STYK1: variants seen among roughly 807,000 people sequenced by gnomAD.
STYK1 encodes the protein tyrosine-protein kinase STYK1.
In STYK1, 46 loss-of-function variants were observed where a neutral mutation model predicts 48.1. That is an observed-to-expected ratio of 0.96 (90% CI 0.75 to 1.22). The LOEUF is 1.22. STYK1 is among the 50% of genes most tolerant of loss of function. The pLI is 0.00. For missense variants in STYK1, 527 were observed against 521.1 expected, an observed-to-expected ratio of 1.01 and a Z score of -0.11; for synonymous variants, 188 against 189.0, an observed-to-expected ratio of 0.99 and a Z score of 0.04.
chr12:10,635,171 C>T (rs139910955), intron 2 of STYK1, among the ~76,000 whole-genome samples: 1 of 152,256 alleles, frequency 6.6e-6, no homozygotes, highest in East Asian at 1.9e-4. Flanking sequence ...GGCTTGAGTG[C>T]AGTGGTGTGA....
intron 1 of STYK1, among the ~76,000 whole-genome samples, chr12:10,670,940 T>C (rs1004823933): frequency 1.3e-4 from 19 of 149,826 alleles, no homozygotes; most frequent in Admixed American, 4.7e-4. Context: ...GTAGGCAGAA[T>C]AATGGCTTCC....
chr12:10,656,996 A>G (rs1591699723), intron 1 of STYK1, among the ~76,000 whole-genome samples: 1 of 152,180 alleles, frequency 6.6e-6, no homozygotes, highest in Non-Finnish European at 1.5e-5. Context: ...TGGCTAATGG[A>G]AGTTATGGGG....
rs774641604 is a variant in STYK1 at position 10,629,714 on chromosome 12, C to A, written c.452-40G>T. On this transcript the variant is annotated intron_variant, in intron 5 of 10. Coordinates refer to ENST00000075503, the MANE Select transcript of STYK1 (RefSeq NM_018423.3). The stretch of plus-strand genomic sequence containing the variant: ...AGATCCAGGCAGTGAGCAGTCAGAG[C>A]ATCCTCGATGAGTGGGAGGCAGGGA... 6 of 1,611,894 alleles carry A rather than the reference C, an allele frequency of 3.7e-6. No individual in the cohort carries two copies. In the South Asian group the frequency reaches 4.4e-5, roughly 12 times the overall value.
Position 10,627,735 on chromosome 12 carries a change from A to G in STYK1, c.634-11T>C. On this transcript the variant is annotated splice_polypyrimidine_tract_variant and intron_variant, in intron 6 of 10. Coordinates refer to ENST00000075503, the MANE Select transcript of STYK1 (RefSeq NM_018423.3). ...CATAGTCATCACATCCTAAAGAGAC[A>G]GGGAAAAAAAGCCATTATATCAAAA... 6.3e-7 allele frequency: 1 copy of G among 1,595,796 alleles called. No homozygotes were observed. Among genetic ancestry groups the G allele is most frequent in the Non-Finnish European group, 8.5e-7 (1 of 1,174,064 alleles).
In STYK1 at chr12:10,619,945, C is replaced by A; in HGVS notation, c.*199G>T. ...TAGGACTGGGACAGCAGAAGTGAGA[C>A]TGACAGTATGTCTTAGCTCAGGATG... On this transcript the variant is annotated 3_prime_UTR_variant, in exon 11 of 11. Transcript: ENST00000075503. 1.6e-6 allele frequency: 1 copy of A among 634,350 alleles called. No individual in the cohort carries two copies. The highest frequency in any genetic ancestry group is 2.7e-6 in the Non-Finnish European group (1 of 366,068). The allele number at this position is 634,350 out of a possible 1,614,324, so 39.3% of individuals were successfully genotyped here.
intron 1 of STYK1, among the ~76,000 whole-genome samples, chr12:10,673,339 T>C (rs1467824179): frequency 1.3e-5 from 2 of 151,846 alleles, no homozygotes; most frequent in East Asian, 1.9e-4. Context: ...ATCGCGCCAT[T>C]GCACTCCAGC....
At chr12:10,627,247 A>C (rs1266778188) in intron 7 of STYK1, among the ~76,000 whole-genome samples, 1 of 152,140 alleles carries the variant, frequency 6.6e-6, no homozygotes, top group Non-Finnish European at 1.5e-5. Flanking sequence ...TCACCCATTC[A>C]GTTTCTCTTT....
At chr12:10,658,164 C>T (rs921399572) in intron 1 of STYK1, among the ~76,000 whole-genome samples, 4 of 152,152 alleles carry the variant, frequency 2.6e-5, no homozygotes, top group Non-Finnish European at 4.4e-5. Flanking sequence ...ACAGGGTGTT[C>T]TTAGAGCAGT....
intron 1 of STYK1, among the ~76,000 whole-genome samples, chr12:10,647,917 A>G (rs767820549): frequency 6.6e-6 from 1 of 152,178 alleles, no homozygotes; most frequent in Non-Finnish European, 1.5e-5. Flanking sequence ...CATGATTGTA[A>G]GGCCTCCCCA....
intron 1 of STYK1, among the ~76,000 whole-genome samples, chr12:10,649,336 C>G (rs1441443506): frequency 6.6e-6 from 1 of 152,076 alleles, no homozygotes; most frequent in East Asian, 1.9e-4. Context: ...AACTAATTTT[C>G]ATCAAAAGGA....
At chr12:10,634,534 C>A (rs115743479) in intron 3 of STYK1, 33 bp downstream of exon 3, 2 of 1,603,626 alleles carry the variant, frequency 1.2e-6, no homozygotes, top group South Asian at 2.2e-5. Flanking sequence ...ATTCTAAAAT[C>A]AGAGGATAGA....
rs112692139 is a variant in STYK1 at position 10,633,622 on chromosome 12, A to G, written c.187+368T>C. Among the ~76,000 whole-genome samples the G allele has an allele frequency of 7.1e-3, 1,074 of 152,236 alleles. 8 individuals are homozygous for G. The highest frequency in any genetic ancestry group is 0.025 in the African/African-American group (1,018 of 41,542). ...GAGGCAAAGATTAGGAATGGAACGTATCATAGGGTGATATGTCATCCTCCT... is the reference window on the plus strand; with the variant it reads ...GAGGCAAAGATTAGGAATGGAACGTGTCATAGGGTGATATGTCATCCTCCT... On this transcript the variant is annotated intron_variant, in intron 4 of 10. Coordinates refer to ENST00000075503, the MANE Select transcript of STYK1 (RefSeq NM_018423.3).
At chr12:10,647,978 A>G (rs1042467521) in intron 1 of STYK1, among the ~76,000 whole-genome samples, 2 of 152,174 alleles carry the variant, frequency 1.3e-5, no homozygotes, top group African/African-American at 4.8e-5. Context: ...TAAATTGCCC[A>G]GTCTCAGGTA....
chr12:10,622,641 G>C lies in STYK1; in HGVS notation c.964C>G (p.Leu322Val). ...FGILLYEMVTLGAPPYPEVPP... is the reference protein window; with the variant it reads ...FGILLYEMVTVGAPPYPEVPP... ...CTATTTTGGGGCTCATCCTTACCTA[G>C]AGTCACCATCTCATAGAGCAGGATC... The change falls in exon 9 of 11, where the codon CTA (leucine) becomes GTA (valine). Residue 322 changes from leucine to valine, a missense_variant. Leu to Val is a conservative substitution (Grantham distance 32). Transcript: ENST00000075503. 2 of 1,613,898 alleles carry C rather than the reference G, an allele frequency of 1.2e-6. No homozygotes were observed. The highest frequency in any genetic ancestry group is 2.2e-5 in the South Asian group (2 of 91,060).
chr12:10,635,691 C>T (rs918502396), intron 2 of STYK1, among the ~76,000 whole-genome samples: 1 of 152,226 alleles, frequency 6.6e-6, no homozygotes, highest in Non-Finnish European at 1.5e-5. Flanking sequence ...CTCCTCCAGT[C>T]TCCTCCAAGT....
At chr12:10,622,613 A>G (rs1437825648) in intron 9 of STYK1, 25 bp downstream of exon 9, 11 of 1,613,690 alleles carry the variant, frequency 6.8e-6, no homozygotes, top group Non-Finnish European at 9.3e-6. Context: ...ATACAGGTAC[A>G]CACTATTTTG....
intron 1 of STYK1, among the ~76,000 whole-genome samples, chr12:10,647,125 A>T (rs1162564453): frequency 1.3e-5 from 2 of 152,334 alleles, no homozygotes; most frequent in East Asian, 3.9e-4. Context: ...TAGTGGAGCT[A>T]CGAGAAGAGG....
At chr12:10,622,503 A>T in intron 9 of STYK1, 135 bp downstream of exon 9, 1 of 918,820 alleles carries the variant, frequency 1.1e-6, no homozygotes, top group Non-Finnish European at 1.7e-6. Flanking sequence ...AATCAGGCTT[A>T]GATAACATGT....
At chr12:10,622,202 C>G (rs1450941057) in intron 9 of STYK1, among the ~76,000 whole-genome samples, 3 of 152,090 alleles carry the variant, frequency 2.0e-5, no homozygotes, top group African/African-American at 7.2e-5. Context: ...TCTTGAATCT[C>G]TAAGAAAGTG....
Sources: allele counts gnomAD v4.1 joint callset (sites outside exome capture counted in the v4.1 genomes callset), GRCh38; gene constraint gnomAD v4.1.1; transcripts MANE v1.5; gene names NCBI Gene and HGNC (gene_info 2026-07-23, HGNC 2026-07-21).